TMCC3: variants seen among roughly 807,000 people sequenced by gnomAD.
TMCC3 encodes transmembrane and coiled-coil domain family 3.
Under a neutral mutation model 40.2 loss-of-function variants are expected in TMCC3, and 28 were observed. The observed-to-expected ratio is 0.70, with a 90% CI of 0.52 to 0.95. The LOEUF (loss-of-function observed/expected upper bound fraction) is 0.95, where lower values mean the gene tolerates loss of function less well. Among genes scored for constraint, TMCC3 ranks in the 40% least tolerant of loss-of-function variants. The pLI is 0.00. For missense variants in TMCC3, 554 were observed against 615.2 expected, an observed-to-expected ratio of 0.90 and a Z score of 1.05; for synonymous variants, 255 against 248.5, an observed-to-expected ratio of 1.03 and a Z score of -0.25.
intron 1 of TMCC3, among the ~76,000 whole-genome samples, chr12:94,633,707 G>C (rs561008692): frequency 6.6e-6 from 1 of 152,268 alleles, no homozygotes; most frequent in African/African-American, 2.4e-5. Flanking sequence ...AATCCACTGA[G>C]AAGTTAATAA....
chr12:94,618,764 C>T (rs143979532), intron 1 of TMCC3, among the ~76,000 whole-genome samples: 10 of 152,342 alleles, frequency 6.6e-5, no homozygotes, highest in Middle Eastern at 3.4e-3. Flanking sequence ...ATACACATCT[C>T]CATCCTTCTT....
intron 1 of TMCC3, among the ~76,000 whole-genome samples, chr12:94,642,782 T>G (rs1432580229): frequency 6.6e-6 from 1 of 152,260 alleles, no homozygotes. Context: ...GTGCTGGCAC[T>G]CAACAGTGCT....
At chr12:94,580,929 C>A (rs1185633316) in intron 2 of TMCC3, among the ~76,000 whole-genome samples, 1 of 152,092 alleles carries the variant, frequency 6.6e-6, no homozygotes. Context: ...TTAAGATGCA[C>A]GTGAGTTGTT....
At chr12:94,644,434 C>T (rs2069007325) in intron 1 of TMCC3, 2 of 985,342 alleles carry the variant, frequency 2.0e-6, no homozygotes, top group Non-Finnish European at 2.4e-6. Context: ...GGGTCTGAAG[C>T]AAAATACACC....
At chr12:94,577,992 CAA>C (rs1187832135) in intron 3 of TMCC3, among the ~76,000 whole-genome samples, 3 of 150,558 alleles carry the variant, frequency 2.0e-5, no homozygotes, top group Non-Finnish European at 4.4e-5. Context: ...ACTAAAAATA[CAA>C]AAAAATTAGC....
intron 1 of TMCC3, among the ~76,000 whole-genome samples, chr12:94,587,148 C>G (rs2068643007): frequency 6.6e-6 from 1 of 152,224 alleles, no homozygotes; most frequent in Non-Finnish European, 1.5e-5. Context: ...ATACAATACA[C>G]TATACATTGC....
rs902257803 is a variant in TMCC3 at position 94,650,223 on chromosome 12, G to C, written c.78+130C>G. On this transcript the variant is annotated intron_variant, in intron 1 of 3. Coordinates refer to ENST00000261226, the MANE Select transcript of TMCC3 (RefSeq NM_020698.4). ...TTAGCTCGGAGGATCGGGGAGGCAC[G>C]GACCTCCGGCGGCAGCGGAGGGCGG... 5 of 442,802 alleles carry C rather than the reference G, an allele frequency of 1.1e-5. No homozygotes were observed. In the South Asian group the frequency reaches 5.3e-4, roughly 47 times the overall value. The allele number at this position is 442,802 out of a possible 1,614,324, so 27.4% of individuals were successfully genotyped here.
At chr12:94,645,371 G>A (rs75988793) in intron 1 of TMCC3, among the ~76,000 whole-genome samples, 1 of 152,130 alleles carries the variant, frequency 6.6e-6, no homozygotes, top group East Asian at 1.9e-4. Flanking sequence ...CTTTCATATA[G>A]TACAGGTCCC....
intron 1 of TMCC3, among the ~76,000 whole-genome samples, chr12:94,635,875 G>A (rs1295321992): frequency 1.3e-5 from 2 of 151,956 alleles, no homozygotes; most frequent in Non-Finnish European, 2.9e-5. Context: ...CACCATGTTG[G>A]TCAGGCTGGT....
intron 1 of TMCC3, among the ~76,000 whole-genome samples, chr12:94,586,158 C>T (rs968102587): frequency 1.3e-5 from 2 of 152,004 alleles, no homozygotes; most frequent in Admixed American, 6.6e-5. Flanking sequence ...GATTTTTTTC[C>T]GAGTATCAAT....
chr12:94,610,649 C>G (rs528163109), intron 1 of TMCC3, among the ~76,000 whole-genome samples: 41 of 152,102 alleles, frequency 2.7e-4, no homozygotes, highest in Non-Finnish European at 5.0e-4. Context: ...TTTTAAAATT[C>G]TAGTACAATG....
intron 1 of TMCC3, among the ~76,000 whole-genome samples, chr12:94,605,235 G>A (rs1164856431): frequency 6.6e-6 from 1 of 152,110 alleles, no homozygotes. Context: ...TTATAATCAT[G>A]AAAATAAAAT....
At chr12:94,592,118 A>G (rs886632761) in intron 1 of TMCC3, among the ~76,000 whole-genome samples, 1 of 152,206 alleles carries the variant, frequency 6.6e-6, no homozygotes, top group African/African-American at 2.4e-5. Flanking sequence ...CCAGAAGGAC[A>G]TTTTATTAGG....
intron 3 of TMCC3, 24 bp downstream of exon 3, chr12:94,578,370 G>A (rs1368590048): frequency 6.2e-7 from 1 of 1,611,184 alleles, no homozygotes; most frequent in Non-Finnish European, 8.5e-7. Flanking sequence ...CCAGGCCTGT[G>A]TCTAATCACA....
intron 1 of TMCC3, among the ~76,000 whole-genome samples, chr12:94,616,647 A>C (rs2068849731): frequency 6.6e-6 from 1 of 152,214 alleles, no homozygotes; most frequent in African/African-American, 2.4e-5. Context: ...CTTGGTGCTA[A>C]GCGAGCACTT....
intron 1 of TMCC3, among the ~76,000 whole-genome samples, chr12:94,611,640 A>G (rs1216996150): frequency 6.6e-6 from 1 of 152,200 alleles, no homozygotes; most frequent in Non-Finnish European, 1.5e-5. Flanking sequence ...TCCCTGATAT[A>G]AAATGGTGTA....
intron 2 of TMCC3, among the ~76,000 whole-genome samples, chr12:94,579,388 T>G (rs1247567283): frequency 6.6e-6 from 1 of 152,062 alleles, no homozygotes; most frequent in African/African-American, 2.4e-5. Context: ...GTGCCTATAA[T>G]CCCAGCTACT....
intron 1 of TMCC3, among the ~76,000 whole-genome samples, chr12:94,596,631 T>C (rs574587955): frequency 1.3e-5 from 2 of 152,176 alleles, no homozygotes; most frequent in Non-Finnish European, 2.9e-5. Flanking sequence ...CCTCCAACAT[T>C]TGGATGCCTC....
chr12:94,604,004 A>G (rs536434582), intron 1 of TMCC3, among the ~76,000 whole-genome samples: 60 of 152,354 alleles, frequency 3.9e-4, no homozygotes, highest in African/African-American at 1.1e-3. Flanking sequence ...CCAAACTTTC[A>G]TGACACTGTC....
Sources: allele counts gnomAD v4.1 joint callset (sites outside exome capture counted in the v4.1 genomes callset), GRCh38; gene constraint gnomAD v4.1.1; transcripts MANE v1.5; gene names NCBI Gene and HGNC (gene_info 2026-07-23, HGNC 2026-07-21).